The following C1orf21 variants were observed in gnomAD, a reference collection of about 807,000 sequenced individuals.
The protein encoded by C1orf21 is uncharacterized protein C1orf21.
C1orf21 carries 3 observed loss-of-function variants against 18.7 expected under a neutral mutation model. The observed-to-expected ratio is 0.16, with a 90% CI of 0.07 to 0.42. C1orf21 has a LOEUF of 0.42. Among genes scored for constraint, C1orf21 ranks in the 10% least tolerant of loss-of-function variants. The pLI, the probability that C1orf21 is intolerant of heterozygous loss-of-function variation, is 0.99. For missense variants in C1orf21, 104 were observed against 143.6 expected, an observed-to-expected ratio of 0.72 and a Z score of 1.41; for synonymous variants, 41 against 46.4, an observed-to-expected ratio of 0.88 and a Z score of 0.47.
At chr1:184,567,136 C>A in intron 3 of C1orf21, 1 of 472,034 alleles carries the variant, frequency 2.1e-6, no homozygotes. Flanking sequence ...CAACAGAGCC[C>A]TGCCTTCTTC....
chr1:184,407,974 C>T (rs1656276332), intron 1 of C1orf21, among the ~76,000 whole-genome samples: 1 of 152,090 alleles, frequency 6.6e-6, no homozygotes, highest in Non-Finnish European at 1.5e-5. Flanking sequence ...TAATGGATGC[C>T]AGGTGAGAAA....
intron 1 of C1orf21, among the ~76,000 whole-genome samples, chr1:184,416,716 C>G (rs965390090): frequency 6.6e-6 from 1 of 152,150 alleles, no homozygotes; most frequent in Non-Finnish European, 1.5e-5. Context: ...GTTGTTGCTT[C>G]CCAGAATGAA....
intron 3 of C1orf21, among the ~76,000 whole-genome samples, chr1:184,577,185 A>G (rs1379183329): frequency 6.6e-6 from 1 of 150,960 alleles, no homozygotes; most frequent in Non-Finnish European, 1.5e-5. Context: ...CAGTGGACAC[A>G]GTATAATCAC....
intron 1 of C1orf21, among the ~76,000 whole-genome samples, chr1:184,469,011 G>A (rs6670740): frequency 0.068 from 10,310 of 152,062 alleles, 1,159 homozygotes; most frequent in African/African-American, 0.24. Flanking sequence ...GAGATGGGTG[G>A]ATCACTTGAG....
intron 1 of C1orf21, among the ~76,000 whole-genome samples, chr1:184,391,791 T>G (rs1655974230): frequency 6.6e-6 from 1 of 152,008 alleles, no homozygotes; most frequent in African/African-American, 2.4e-5. Context: ...CACTGCAATC[T>G]CCACCTCCTG....
intron 1 of C1orf21, among the ~76,000 whole-genome samples, chr1:184,413,678 G>A (rs1413741399): frequency 6.6e-6 from 1 of 152,122 alleles, no homozygotes; most frequent in Non-Finnish European, 1.5e-5. Context: ...CTCTTGGAGC[G>A]GGATATAGGA....
intron 1 of C1orf21, among the ~76,000 whole-genome samples, chr1:184,475,177 A>G (rs1657550799): frequency 6.6e-6 from 1 of 152,170 alleles, no homozygotes; most frequent in African/African-American, 2.4e-5. Flanking sequence ...GGTTGACAGA[A>G]TGGACCTCTC....
intron 3 of C1orf21, among the ~76,000 whole-genome samples, chr1:184,516,286 A>G (rs1658226509): frequency 7.6e-6 from 1 of 131,018 alleles, no homozygotes; most frequent in Non-Finnish European, 1.6e-5. Context: ...AAACAATTAT[A>G]TGACAAAATT....
At chr1:184,501,256 G>C (rs1240895854) in intron 2 of C1orf21, among the ~76,000 whole-genome samples, 2 of 152,090 alleles carry the variant, frequency 1.3e-5, no homozygotes, top group African/African-American at 4.8e-5. Context: ...AGCCCTATCA[G>C]CCTTTTCTTG....
chr1:184,563,805 G>T (rs562449191), intron 3 of C1orf21, among the ~76,000 whole-genome samples: 2 of 152,180 alleles, frequency 1.3e-5, no homozygotes, highest in African/African-American at 4.8e-5. Context: ...ATACAAGGTT[G>T]GGGGAAGTTC....
At chr1:184,567,631 C>A in intron 3 of C1orf21, 1 of 428,066 alleles carries the variant, frequency 2.3e-6, no homozygotes. Context: ...GGATGCTAGG[C>A]AGACTGCAGC....
intron 3 of C1orf21, among the ~76,000 whole-genome samples, chr1:184,535,903 T>C (rs1401926925): frequency 6.6e-6 from 1 of 150,432 alleles, no homozygotes; most frequent in East Asian, 2.0e-4. Flanking sequence ...CTTTATACTC[T>C]GGCAATCTAC....
At chr1:184,490,384 A>T (rs895603891) in intron 2 of C1orf21, among the ~76,000 whole-genome samples, 1 of 152,256 alleles carries the variant, frequency 6.6e-6, no homozygotes, top group Non-Finnish European at 1.5e-5. Context: ...TGTAAAGAGG[A>T]TGATTAAAGC....
chr1:184,433,758 G>A (rs1245002796), intron 1 of C1orf21, among the ~76,000 whole-genome samples: 2 of 152,172 alleles, frequency 1.3e-5, no homozygotes, highest in African/African-American at 4.8e-5. Flanking sequence ...GTAGCTAGCA[G>A]CTACCACACT....
At chr1:184,514,053 T>G (rs557721567) in intron 3 of C1orf21, among the ~76,000 whole-genome samples, 1 of 152,226 alleles carries the variant, frequency 6.6e-6, no homozygotes, top group Non-Finnish European at 1.5e-5. Context: ...TTCCAGCACT[T>G]TAGGAGGCCA....
At chr1:184,544,910 C>T (rs1658707389) in intron 3 of C1orf21, among the ~76,000 whole-genome samples, 1 of 152,202 alleles carries the variant, frequency 6.6e-6, no homozygotes, top group Non-Finnish European at 1.5e-5. Flanking sequence ...CGTGGGTGGC[C>T]TGAGTGCCTT....
At chr1:184,398,235 A>G (rs1353003918) in intron 1 of C1orf21, among the ~76,000 whole-genome samples, 1 of 152,188 alleles carries the variant, frequency 6.6e-6, no homozygotes, top group Non-Finnish European at 1.5e-5. Context: ...AGTACACGAC[A>G]TGCACTGTTC....
At chr1:184,583,221 G>A (rs193070953) in intron 3 of C1orf21, among the ~76,000 whole-genome samples, 4 of 152,248 alleles carry the variant, frequency 2.6e-5, no homozygotes, top group Middle Eastern at 3.4e-3. Flanking sequence ...TGGGAAGCTC[G>A]CGACAACAGC....
At chr1:184,616,268 T>C (rs1479659334) in intron 5 of C1orf21, among the ~76,000 whole-genome samples, 2 of 152,250 alleles carry the variant, frequency 1.3e-5, no homozygotes, top group Non-Finnish European at 2.9e-5. Context: ...TGAATTGAAT[T>C]TGAATTTAGT....
Sources: gnomAD v4.1 joint callset for allele counts (sites outside exome capture counted in the v4.1 genomes callset) on GRCh38, gnomAD v4.1.1 for gene constraint, MANE v1.5 for transcripts, NCBI Gene and HGNC (gene_info 2026-07-23, HGNC 2026-07-21) for gene names.